Variants in TPO observed in about 807,000 individuals in gnomAD.
TPO encodes thyroid microsomal antigen.
TPO carries 78 observed loss-of-function variants against 96.9 expected under a neutral mutation model. The observed-to-expected ratio is 0.81, with a 90% confidence interval of 0.67 to 0.97. TPO has a LOEUF of 0.97. Ranked by LOEUF, TPO falls within the 50% of genes least tolerant of loss-of-function variation. The pLI is 0.00. For synonymous variants in TPO, 547 were observed against 538.0 expected, an observed-to-expected ratio of 1.02 and a Z score of -0.23; for missense variants, 1,252 against 1,274.8, an observed-to-expected ratio of 0.98 and a Z score of 0.27.
At chr2:1,484,969 C>G (rs961252216) in intron 9 of TPO, 115 bp downstream of exon 9, 40 of 1,494,140 alleles carry the variant, frequency 2.7e-5, no homozygotes, top group Non-Finnish European at 3.5e-5. Flanking sequence ...AGGTTTGTTA[C>G]GTAGGGTATA....
intron 8 of TPO, chr2:1,478,027 C>G (rs898830422): frequency 5.1e-6 from 5 of 985,444 alleles, no homozygotes; most frequent in African/African-American, 3.5e-5. Flanking sequence ...ATTCCCAGAA[C>G]AACCCTTGGA....
chr2:1,528,261 C>T (rs1340584699), intron 15 of TPO, among the ~76,000 whole-genome samples: 1 of 109,850 alleles, frequency 9.1e-6, no homozygotes, highest in African/African-American at 3.7e-5. Flanking sequence ...ATGTAGGCAA[C>T]CCCCCAAATC....
intron 5 of TPO, among the ~76,000 whole-genome samples, chr2:1,440,143 G>A (rs28460424): frequency 0.31 from 46,418 of 151,408 alleles, 7,772 homozygotes; most frequent in South Asian, 0.48. Flanking sequence ...ACTGTGCTGC[G>A]TTTCCAATGT....
upstream of TPO, among the ~76,000 whole-genome samples, chr2:1,411,207 AT>A (rs1383549506): frequency 6.6e-6 from 1 of 152,146 alleles, no homozygotes; most frequent in Non-Finnish European, 1.5e-5. Context: ...CATTATTTAT[AT>A]TGTTTAATTA....
intron 15 of TPO, among the ~76,000 whole-genome samples, chr2:1,532,111 TC>T (rs1174148066): frequency 8.9e-5 from 3 of 33,788 alleles, no homozygotes; most frequent in African/African-American, 1.5e-4. Context: ...CCCCCACAAA[TC>T]CCCCCACTGT....
At chr2:1,458,267 CG>C (rs1668062328) in intron 7 of TPO, among the ~76,000 whole-genome samples, 1 of 151,272 alleles carries the variant, frequency 6.6e-6, no homozygotes, top group East Asian at 1.9e-4. Flanking sequence ...TGTGTGGGCA[CG>C]TGTGTATATA....
At chr2:1,495,871 T>G in intron 11 of TPO, 118 bp from the exon 12 acceptor site, 1 of 1,179,018 alleles carries the variant, frequency 8.5e-7, no homozygotes, top group Non-Finnish European at 1.2e-6. Flanking sequence ...GTGCTGGGGG[T>G]CTGGGCAGAC....
At chr2:1,431,893 G>A (rs1444150793) in intron 3 of TPO, among the ~76,000 whole-genome samples, 1 of 152,244 alleles carries the variant, frequency 6.6e-6, no homozygotes, top group African/African-American at 2.4e-5. Flanking sequence ...TGTCTAACTT[G>A]CAGAGGGAAG....
rs138947676 is a variant in TPO at position 1,456,206 on chromosome 2, C to A, written c.743C>A (p.Thr248Asn). ...GACATCGCGTTCACACCACAGAGCA[C>A]CAGCAAAGCTGCCTTCGGGGGAGGG... ...DHDIAFTPQS[T>N]SKAAFGGGAD... Residue 248 changes from threonine (T) to asparagine (N), a missense_variant, in exon 7 of 17, where the codon ACC becomes AAC. By Grantham distance (65) the Thr-to-Asn change is moderately conservative (BLOSUM62 0). Coordinates refer to ENST00000329066, the MANE Select transcript of TPO (RefSeq NM_001206744.2). 3.1e-6 allele frequency: 5 copies of A among 1,614,010 alleles called. No homozygotes were observed. Among genetic ancestry groups the A allele is most frequent in the Non-Finnish European group, 4.2e-6 (5 of 1,180,044 alleles).
chr2:1,379,815 A>G (rs1441778846), intron 1 of TPO, among the ~76,000 whole-genome samples: 1 of 152,180 alleles, frequency 6.6e-6, no homozygotes. Flanking sequence ...AACTCAACCT[A>G]AAGAAATAAC....
At chr2:1,421,147 TGA>T (rs1053371946) in intron 2 of TPO, among the ~76,000 whole-genome samples, 1 of 151,914 alleles carries the variant, frequency 6.6e-6, no homozygotes, top group Non-Finnish European at 1.5e-5. Flanking sequence ...TGACCGAGGC[TGA>T]GAGAGAGAGT....
chr2:1,481,484 C>T (rs1047702646), intron 8 of TPO, among the ~76,000 whole-genome samples: 5 of 152,134 alleles, frequency 3.3e-5, no homozygotes, highest in Admixed American at 2.6e-4. Context: ...CCCAGATATC[C>T]AGGGACCCAC....
At chr2:1,503,885 C>A in intron 13 of TPO, 63 bp from the exon 14 acceptor site, 1 of 1,613,416 alleles carries the variant, frequency 6.2e-7, no homozygotes. Context: ...GAACGGGGGT[C>A]GCTCGCGGGA....
intron 13 of TPO, among the ~76,000 whole-genome samples, chr2:1,501,503 G>A (rs551390540): frequency 6.6e-6 from 1 of 152,352 alleles, no homozygotes; most frequent in African/African-American, 2.4e-5. Flanking sequence ...AACTGACCGT[G>A]GGTGGAGCGT....
In TPO at chr2:1,494,934, G is replaced by A. The variant is rs372930634; in HGVS notation, c.2006+895G>A. ...CTTTCAAAGAGCTACGAACACCTGG[G>A]TAGAAATCACCAGGAGAACTTGTCT... On this transcript the variant is annotated intron_variant, in intron 11 of 16. Transcript: ENST00000329066. Among the ~76,000 whole-genome samples the A allele has an allele frequency of 2.6e-5, 4 of 152,254 alleles. No homozygotes were observed. In the East Asian group the frequency reaches 5.8e-4, roughly 22 times the overall value.
chr2:1,487,605 C>T (rs528730606), intron 9 of TPO, among the ~76,000 whole-genome samples: 57 of 152,216 alleles, frequency 3.7e-4, no homozygotes, highest in African/African-American at 1.3e-3. Flanking sequence ...AGCATGGTAG[C>T]GGGCGCCTGT....
intron 15 of TPO, among the ~76,000 whole-genome samples, chr2:1,526,027 CG>C (rs1676398289): frequency 2.5e-5 from 3 of 120,978 alleles, no homozygotes; most frequent in African/African-American, 9.4e-5. Flanking sequence ...TCCCCAAATC[CG>C]CCCACTGTGT....
intron 7 of TPO, among the ~76,000 whole-genome samples, chr2:1,465,159 C>G (rs1424002345): frequency 3.3e-5 from 5 of 152,126 alleles, no homozygotes; most frequent in African/African-American, 1.2e-4. Flanking sequence ...ATAGGGTGTC[C>G]TTTGCCCACT....
chr2:1,527,244 TGCAACCTCCCCAAAACCCCCACTGTGA>T (rs1558412542), intron 15 of TPO, among the ~76,000 whole-genome samples: 1 of 107,278 alleles, frequency 9.3e-6, no homozygotes, highest in East Asian at 3.8e-4. Context: ...CCCCACTGTG[TGCAACCTCCCCAAAACCCCCACTGTGA>T]GCAACCTCCC....
Sources: allele counts gnomAD v4.1 joint callset (sites outside exome capture counted in the v4.1 genomes callset), GRCh38; gene constraint gnomAD v4.1.1; transcripts MANE v1.5; gene names NCBI Gene and HGNC (gene_info 2026-07-23, HGNC 2026-07-21).